The following ANK2 variants were observed in gnomAD, a reference collection of about 807,000 sequenced individuals.
ANK2 encodes the protein ankyrin 2, also known as ankyrin-2.
In ANK2, 83 loss-of-function variants were observed where a neutral mutation model predicts 360.5. That is an observed-to-expected ratio of 0.23 (90% CI 0.19 to 0.28). ANK2 has a LOEUF of 0.28. Ranked by LOEUF, ANK2 falls within the 10% of genes least tolerant of loss-of-function variation. ANK2 has a pLI of 1.00. For synonymous variants in ANK2, 1,740 were observed against 1,759.5 expected (o/e 0.99, Z 0.28); for missense variants, 4,201 against 4,795.7 (o/e 0.88, Z 3.66).
intron 1 of ANK2, among the ~76,000 whole-genome samples, chr4:112,904,025 T>C (rs1470594475): frequency 6.6e-6 from 1 of 152,180 alleles, no homozygotes; most frequent in Admixed American, 6.5e-5. Flanking sequence ...CTGTCATTTC[T>C]TAGTTTTTGT....
chr4:112,919,244 T>C (rs1356840047), intron 2 of ANK2, among the ~76,000 whole-genome samples: 1 of 152,164 alleles, frequency 6.6e-6, no homozygotes, highest in African/African-American at 2.4e-5. Context: ...GAGCAGGGTA[T>C]AGCATTAAAG....
chr4:113,363,307 T>C (rs371542333), intron 39 of ANK2, 31 bp from the exon 40 acceptor site: 17 of 1,608,432 alleles, frequency 1.1e-5, no homozygotes, highest in Non-Finnish European at 1.4e-5. Context: ...TTGAAGTTAA[T>C]GTGTTTACAA....
chr4:113,145,805 G>A, intron 1 of ANK2: 1 of 1,270,058 alleles, frequency 7.9e-7, no homozygotes, highest in Non-Finnish European at 1.0e-6. Context: ...GTACCCCTGG[G>A]AGCCCTGGAC....
chr4:113,268,112 C>T (rs1374770539), intron 14 of ANK2, among the ~76,000 whole-genome samples: 3 of 152,150 alleles, frequency 2.0e-5, no homozygotes, highest in Non-Finnish European at 2.9e-5. Context: ...TATCCTGAGA[C>T]TTTGCTGAAG....
intron 22 of ANK2, among the ~76,000 whole-genome samples, chr4:113,295,517 C>T (rs73841942): frequency 2.2e-4 from 33 of 152,272 alleles, no homozygotes; most frequent in African/African-American, 7.9e-4. Flanking sequence ...CATCTCTCTA[C>T]CACATCTATC....
chr4:112,953,911 A>C (rs1164657534), intron 2 of ANK2, among the ~76,000 whole-genome samples: 1 of 151,998 alleles, frequency 6.6e-6, no homozygotes, highest in Non-Finnish European at 1.5e-5. Context: ...ACATAAACAG[A>C]TTATTTATTT....
intron 2 of ANK2, among the ~76,000 whole-genome samples, chr4:113,187,764 A>G (rs569561410): frequency 1.8e-4 from 27 of 152,318 alleles, no homozygotes; most frequent in African/African-American, 6.5e-4. Context: ...ACAGTGTTGG[A>G]AAGAACAAGA....
chr4:113,011,972 G>T (rs768618611), intron 2 of ANK2, among the ~76,000 whole-genome samples: 3 of 151,986 alleles, frequency 2.0e-5, no homozygotes, highest in Non-Finnish European at 4.4e-5. Flanking sequence ...TGAGTTGAGG[G>T]TTATTATTCT....
chr4:113,106,180 G>A (rs1354882779), intron 1 of ANK2, among the ~76,000 whole-genome samples: 1 of 152,164 alleles, frequency 6.6e-6, no homozygotes, highest in Non-Finnish European at 1.5e-5. Flanking sequence ...CACAGCAAAT[G>A]TTAAAGTAGC....
chr4:113,186,462 G>T (rs971903132), intron 2 of ANK2, among the ~76,000 whole-genome samples: 1 of 151,802 alleles, frequency 6.6e-6, no homozygotes, highest in Admixed American at 6.6e-5. Flanking sequence ...GGGCAAAAAG[G>T]CTGAAAAAAA....
At chr4:113,049,963 G>C in intron 1 of ANK2, 151 bp downstream of exon 1, 2 of 967,368 alleles carry the variant, frequency 2.1e-6, no homozygotes, top group Non-Finnish European at 3.1e-6. Context: ...AAAGAGGCAG[G>C]TGCAAACTGC....
At chr4:113,276,684 C>T (rs184590314) in intron 15 of ANK2, among the ~76,000 whole-genome samples, 5 of 152,226 alleles carry the variant, frequency 3.3e-5, no homozygotes, top group Non-Finnish European at 5.9e-5. Flanking sequence ...CCAGAAGATT[C>T]GCTCTCTTCC....
intron 1 of ANK2, among the ~76,000 whole-genome samples, chr4:112,836,992 C>T (rs1293513393): frequency 6.6e-6 from 1 of 152,166 alleles, no homozygotes; most frequent in Non-Finnish European, 1.5e-5. Context: ...AACAAGGAGC[C>T]AAATGTTAAT....
chr4:112,866,237 G>GA lies in ANK2; in HGVS notation c.-39-38211dup, dbSNP rs557279961. Among the ~76,000 whole-genome samples the GA allele has an allele frequency of 4.1e-3, 621 of 152,092 alleles. 2 individuals are homozygous for GA. Among genetic ancestry groups the GA allele is most frequent in the Non-Finnish European group, 6.6e-3 (451 of 67,968 alleles). The stretch of plus-strand genomic sequence containing the variant: ...CCTATCTCCTGCAAATCCTAGACAA[G>GA]AAAAAAATCCTTAAATCAACATGAT... On this transcript the variant is annotated intron_variant, in intron 1 of 30. Coordinates refer to the ANK2 transcript ENST00000503271.
chr4:113,015,048 C>T (rs1441236685), intron 2 of ANK2, among the ~76,000 whole-genome samples: 6 of 151,472 alleles, frequency 4.0e-5, no homozygotes, highest in Non-Finnish European at 8.9e-5. Flanking sequence ...TTAGTAGAGG[C>T]GGGATTTCAC....
the ANK2 span, among the ~76,000 whole-genome samples, chr4:112,718,247 G>A: frequency 6.6e-6 from 1 of 152,240 alleles, no homozygotes; most frequent in Non-Finnish European, 1.5e-5. Flanking sequence ...AAGAAACCCA[G>A]TTGATGGGGA....
At chr4:113,151,310 G>C in intron 1 of ANK2, 1 of 407,820 alleles carries the variant, frequency 2.5e-6, no homozygotes, top group Admixed American at 4.0e-5. Flanking sequence ...AAAGAAAAGA[G>C]GTTTATTTGG....
chr4:113,226,311 G>A (rs2099221102), intron 4 of ANK2, among the ~76,000 whole-genome samples: 1 of 152,188 alleles, frequency 6.6e-6, no homozygotes, highest in Non-Finnish European at 1.5e-5. Flanking sequence ...ACGGCAGACA[G>A]GGACTGATCC....
chr4:112,873,895 T>A (rs1177976205), intron 1 of ANK2, among the ~76,000 whole-genome samples: 1 of 151,996 alleles, frequency 6.6e-6, no homozygotes, highest in African/African-American at 2.4e-5. Context: ...ATACTGTGTA[T>A]GATTTCATTC....
Sources: gnomAD v4.1 joint callset for allele counts (sites outside exome capture counted in the v4.1 genomes callset) on GRCh38, gnomAD v4.1.1 for gene constraint, MANE v1.5 for transcripts, NCBI Gene and HGNC (gene_info 2026-07-23, HGNC 2026-07-21) for gene names.